GOSR2: variants seen among roughly 807,000 people sequenced by gnomAD.
The protein encoded by GOSR2 is golgi SNAP receptor complex member 2, also known as 27 kDa Golgi SNARE protein.
In GOSR2, 20 loss-of-function variants were observed where a neutral mutation model predicts 27.9. The ratio of observed to expected loss-of-function variants is 0.72; its 90% confidence interval spans 0.50 to 1.04. The LOEUF is 1.04. Ranked by LOEUF, GOSR2 falls within the 50% of genes least tolerant of loss-of-function variation. GOSR2 has a pLI of 0.00. For missense variants in GOSR2, 261 were observed against 270.5 expected (o/e 0.97, Z 0.25); for synonymous variants, 91 against 98.8 (o/e 0.92, Z 0.47).
intron 1 of GOSR2, among the ~76,000 whole-genome samples, chr17:46,928,739 C>G (rs182437243): frequency 6.6e-6 from 1 of 152,264 alleles, no homozygotes; most frequent in East Asian, 1.9e-4. Flanking sequence ...GCATCCTCTC[C>G]CCCAACCCGA....
downstream of GOSR2, among the ~76,000 whole-genome samples, chr17:46,967,546 G>T (rs1191085098): frequency 1.3e-5 from 2 of 152,164 alleles, no homozygotes; most frequent in African/African-American, 4.8e-5. Context: ...GGCATTTTGG[G>T]GGAAGCAGAG....
intron 6 of GOSR2, among the ~76,000 whole-genome samples, chr17:46,962,093 C>A (rs1224649013): frequency 6.6e-6 from 1 of 151,976 alleles, no homozygotes; most frequent in East Asian, 1.9e-4. Context: ...GCATTTTGGC[C>A]GAGGCGGGCA....
At chr17:46,924,429 T>C (rs2086186387) in intron 1 of GOSR2, 1 of 152,250 alleles carries the variant, frequency 6.6e-6, no homozygotes, top group African/African-American at 2.4e-5. Context: ...AACTCTGGTG[T>C]AGAAGTATCT....
chr17:46,939,482 T>C lies in GOSR2; in HGVS notation c.*722T>C. On this transcript the variant is annotated 3_prime_UTR_variant, in exon 6 of 6. Coordinates refer to ENST00000640051, the MANE Select transcript of GOSR2 (RefSeq NM_004287.5). The stretch of plus-strand genomic sequence containing the variant: ...GTCACTGATTTTTTCTAGTTGTTAA[T>C]AGAGTGGTTGGCTTTTAAGGTTCAG... 1 of 986,698 alleles carries C rather than the reference T, an allele frequency of 1.0e-6. No individual in the cohort carries two copies. 61.1% of individuals were successfully genotyped at this position (986,698 alleles called of 1,614,324 possible).
At chr17:46,925,097 T>G (rs1301872221) in intron 1 of GOSR2, among the ~76,000 whole-genome samples, 2 of 152,118 alleles carry the variant, frequency 1.3e-5, no homozygotes, top group Non-Finnish European at 2.9e-5. Flanking sequence ...CCTCCAACAA[T>G]GCACCCTTGG....
chr17:46,941,823 T>G lies in GOSR2; in HGVS notation c.*3063T>G. ...TTGGTCTTAAACTCCTGGCCTCAAG[T>G]GATCTGCCTGCTTCGGCCTCCCAAA... is the stretch of plus-strand genomic sequence containing the variant. On this transcript the variant is annotated 3_prime_UTR_variant, in exon 6 of 6. Coordinates refer to ENST00000640051, the MANE Select transcript of GOSR2 (RefSeq NM_004287.5). 6.6e-6 allele frequency: 3 copies of G among 451,660 alleles called. No homozygotes were observed. Among genetic ancestry groups the G allele is most frequent in the Non-Finnish European group, 8.8e-6 (3 of 342,066 alleles). The allele number at this position is 451,660 out of a possible 1,614,324, so 28.0% of individuals were successfully genotyped here.
chr17:46,935,740 C>T lies in GOSR2; in HGVS notation c.477+571C>T, dbSNP rs966816420. ...CTTCACTCCCTAGCCTTAGGTATTC[C>T]TAGAAGCCCTGACCAGTTGGCACTG... On this transcript the variant is annotated intron_variant, in intron 5 of 5. Coordinates refer to ENST00000640051, the MANE Select transcript of GOSR2 (RefSeq NM_004287.5). 2.1e-5 allele frequency: 21 copies of T among 987,662 alleles called. No individual in the cohort carries two copies. In the African/African-American group the frequency reaches 2.8e-4, roughly 13 times the overall value. 61.2% of individuals were successfully genotyped at this position (987,662 alleles called of 1,614,324 possible).
At chr17:46,952,000 G>T (rs777247266) in intron 6 of GOSR2, among the ~76,000 whole-genome samples, 35 of 152,236 alleles carry the variant, frequency 2.3e-4, no homozygotes, top group Middle Eastern at 3.4e-3. Context: ...GCTATATTTG[G>T]TTCCTGCAAT....
intron 6 of GOSR2, among the ~76,000 whole-genome samples, chr17:46,949,606 C>G (rs1352378612): frequency 6.6e-6 from 1 of 152,180 alleles, no homozygotes; most frequent in Non-Finnish European, 1.5e-5. Context: ...ATGCTCACGT[C>G]TAGCTGGGAA....
chr17:46,934,174 C>A (rs1363930851), intron 4 of GOSR2, among the ~76,000 whole-genome samples: 1 of 152,184 alleles, frequency 6.6e-6, no homozygotes, highest in Non-Finnish European at 1.5e-5. Flanking sequence ...CACTGGACTT[C>A]CAGCTCTGTG....
downstream of GOSR2, among the ~76,000 whole-genome samples, chr17:46,970,818 T>G (rs1000905455): frequency 6.6e-6 from 1 of 152,246 alleles, no homozygotes; most frequent in Non-Finnish European, 1.5e-5. Flanking sequence ...ACATGAACCT[T>G]TGTCATCATA....
chr17:46,946,620 T>C (rs1357670725), downstream of GOSR2, among the ~76,000 whole-genome samples: 2 of 152,064 alleles, frequency 1.3e-5, no homozygotes, highest in Admixed American at 1.3e-4. Context: ...CCCAGCACTT[T>C]GGGAGGCCAA....
At chr17:46,956,019 T>C (rs1689792844) in intron 6 of GOSR2, among the ~76,000 whole-genome samples, 1 of 152,130 alleles carries the variant, frequency 6.6e-6, no homozygotes, top group Admixed American at 6.5e-5. Context: ...CCATGCCCCA[T>C]GGAGCCTCCT....
At chr17:46,968,686 C>T (rs1177216365), downstream of GOSR2, 1 of 152,514 alleles carries the variant, frequency 6.6e-6, no homozygotes, top group African/African-American at 2.4e-5. Context: ...GGTCCCCTGC[C>T]CTCTGCCTGC....
At chr17:46,971,763 A>G (rs1270261804), downstream of GOSR2, among the ~76,000 whole-genome samples, 1 of 152,210 alleles carries the variant, frequency 6.6e-6, no homozygotes, top group Admixed American at 6.5e-5. Context: ...CTTGTCTCTC[A>G]CGCCTCAAGC....
chr17:46,931,701 G>T, intron 3 of GOSR2: 2 of 331,242 alleles, frequency 6.0e-6, no homozygotes, highest in East Asian at 7.1e-5. Flanking sequence ...AAACTTTGTG[G>T]ATGCTTTACC....
chr17:46,923,984 A>G (rs1254138760), intron 1 of GOSR2: 1 of 397,402 alleles, frequency 2.5e-6, no homozygotes, highest in Non-Finnish European at 4.4e-6. Flanking sequence ...TGTAAAATAT[A>G]CACAACATAA....
chr17:46,963,159 A>G (rs2091160114), intron 6 of GOSR2, among the ~76,000 whole-genome samples: 1 of 152,268 alleles, frequency 6.6e-6, no homozygotes, highest in Non-Finnish European at 1.5e-5. Flanking sequence ...CATGATGTCT[A>G]TATGAGCACC....
At chr17:46,949,711 A>C (rs2090185425) in intron 6 of GOSR2, among the ~76,000 whole-genome samples, 1 of 152,214 alleles carries the variant, frequency 6.6e-6, no homozygotes. Context: ...CTTACCCTGG[A>C]ACCCTGGAGG....
Sources: gnomAD v4.1 joint callset for allele counts (sites outside exome capture counted in the v4.1 genomes callset) on GRCh38, gnomAD v4.1.1 for gene constraint, MANE v1.5 for transcripts, NCBI Gene and HGNC (gene_info 2026-07-23, HGNC 2026-07-21) for gene names.